The following GRID1 variants were observed in gnomAD, a reference collection of about 807,000 sequenced individuals.
GRID1 encodes the protein glutamate receptor ionotropic, delta-1.
GRID1 carries 28 observed loss-of-function variants against 98.0 expected under a neutral mutation model. The observed-to-expected ratio is 0.29, with a 90% CI of 0.21 to 0.39. The LOEUF (loss-of-function observed/expected upper bound fraction) is 0.39, where lower values mean the gene tolerates loss of function less well. Ranked by LOEUF, GRID1 falls within the 10% of genes least tolerant of loss-of-function variation. GRID1 has a pLI of 1.00. For missense variants in GRID1, 1,111 were observed against 1,340.5 expected (o/e 0.83, Z 2.67); for synonymous variants, 553 against 538.5 (o/e 1.03, Z -0.37).
intron 12 of GRID1, among the ~76,000 whole-genome samples, chr10:85,667,963 T>G (rs1479903037): frequency 1.3e-5 from 2 of 152,184 alleles, no homozygotes; most frequent in African/African-American, 4.8e-5. Context: ...CCCTAAGCCC[T>G]AGGCAAAGGC....
chr10:86,045,413 G>A (rs2131901781), intron 4 of GRID1, among the ~76,000 whole-genome samples: 1 of 152,324 alleles, frequency 6.6e-6, no homozygotes, highest in African/African-American at 2.4e-5. Flanking sequence ...GATCAACAGA[G>A]TAATATGGTA....
intron 2 of GRID1, among the ~76,000 whole-genome samples, chr10:86,339,766 T>TCCATGCAA (rs1848284327): frequency 6.6e-6 from 1 of 152,176 alleles, no homozygotes; most frequent in African/African-American, 2.4e-5. Flanking sequence ...TATTTAGTCC[T>TCCATGCAA]CCATGCAACC....
chr10:86,176,800 G>C (rs1176459872), intron 3 of GRID1, among the ~76,000 whole-genome samples: 4 of 152,204 alleles, frequency 2.6e-5, no homozygotes, highest in Non-Finnish European at 4.4e-5. Flanking sequence ...GGTAAGAAAT[G>C]ATGAGGGACT....
chr10:86,131,651 C>G (rs952324832), intron 4 of GRID1, among the ~76,000 whole-genome samples: 9 of 152,170 alleles, frequency 5.9e-5, no homozygotes, highest in Admixed American at 2.0e-4. Flanking sequence ...CAACAGCCAA[C>G]CAGAAAATAA....
At chr10:85,825,320 C>G (rs1265987802) in intron 8 of GRID1, among the ~76,000 whole-genome samples, 1 of 150,772 alleles carries the variant, frequency 6.6e-6, no homozygotes, top group African/African-American at 2.4e-5. Flanking sequence ...GTTTGTTGGC[C>G]ATTTGTGTAT....
At chr10:85,604,057 C>T (rs2132502448) in intron 15 of GRID1, among the ~76,000 whole-genome samples, 1 of 152,286 alleles carries the variant, frequency 6.6e-6, no homozygotes, top group South Asian at 2.1e-4. Context: ...GAATGATAGG[C>T]ATGAGCCCTG....
chr10:86,130,693 C>T (rs928779546), intron 4 of GRID1, among the ~76,000 whole-genome samples: 6 of 152,224 alleles, frequency 3.9e-5, no homozygotes, highest in Admixed American at 3.9e-4. Context: ...ATAAAATCCC[C>T]TGCATTTACC....
chr10:85,613,605 C>T lies in GRID1; in HGVS notation c.2403G>A (p.Lys801=), dbSNP rs1842757992. The T allele has an allele frequency of 1.2e-6, 2 of 1,614,190 alleles. No homozygotes were observed. Among genetic ancestry groups the T allele is most frequent in the Admixed American group, 3.3e-5 (2 of 60,028 alleles). The change falls in exon 15 of 16, where the codon AAG becomes AAA. Residue 801 remains lysine (K), a synonymous_variant. Coordinates refer to ENST00000327946, the MANE Select transcript of GRID1 (RefSeq NM_017551.3). ...GGCCCATGTGCGGCCACCACTTCTG[C>T]TTCAGCACATCCAGGTCCCCTGTGT... ...LQDTGDLDVL[K]QKWWPHMGRC...
intron 4 of GRID1, among the ~76,000 whole-genome samples, chr10:85,939,917 A>C (rs1397825907): frequency 6.6e-6 from 1 of 151,994 alleles, no homozygotes; most frequent in Non-Finnish European, 1.5e-5. Context: ...AATACAAAAA[A>C]TTAGCTGGGC....
At position 86,340,153 on chromosome 10, in the gene GRID1, C is replaced by T. The variant is rs116399505; in HGVS notation, c.235+23788G>A. Among the ~76,000 whole-genome samples, 826 of 152,088 alleles carry T rather than the reference C, an allele frequency of 5.4e-3. 6 individuals are homozygous for T. Among genetic ancestry groups the T allele is most frequent in the African/African-American group, 0.019 (771 of 41,454 alleles). Reference sequence around the variant, plus strand: ...GGGAGAAGGTCAAGCAGCCAAGCAGCGGAATGGAAAGCCCAGGAGTTGCTG... The same window carrying T: ...GGGAGAAGGTCAAGCAGCCAAGCAGTGGAATGGAAAGCCCAGGAGTTGCTG... On this transcript the variant is annotated intron_variant, in intron 2 of 15. Coordinates refer to ENST00000327946, the MANE Select transcript of GRID1 (RefSeq NM_017551.3).
chr10:86,022,463 T>C (rs1461566154), intron 4 of GRID1, among the ~76,000 whole-genome samples: 1 of 151,984 alleles, frequency 6.6e-6, no homozygotes, highest in African/African-American at 2.4e-5. Context: ...TGGTCAGCCA[T>C]GCTGCCTCCT....
intron 12 of GRID1, among the ~76,000 whole-genome samples, chr10:85,705,856 A>G (rs532191228): frequency 6.6e-6 from 1 of 152,338 alleles, no homozygotes; most frequent in South Asian, 2.1e-4. Context: ...ACCAAAGACA[A>G]AAACCACATG....
intron 2 of GRID1, among the ~76,000 whole-genome samples, chr10:86,209,528 A>C (rs1846078559): frequency 6.6e-6 from 1 of 152,242 alleles, no homozygotes; most frequent in African/African-American, 2.4e-5. Context: ...TTATATGCTA[A>C]CTATGATTAC....
At chr10:85,802,374 T>C (rs1842584613) in intron 8 of GRID1, among the ~76,000 whole-genome samples, 1 of 152,008 alleles carries the variant, frequency 6.6e-6, no homozygotes, top group African/African-American at 2.4e-5. Flanking sequence ...CAGTGATAGA[T>C]CAACTGACCA....
At chr10:86,230,908 C>T (rs1326504032) in intron 2 of GRID1, among the ~76,000 whole-genome samples, 4 of 152,190 alleles carry the variant, frequency 2.6e-5, no homozygotes, top group African/African-American at 7.2e-5. Context: ...GAGTAATACA[C>T]ACACATCTCT....
chr10:85,761,677 C>T (rs769077933), intron 8 of GRID1, among the ~76,000 whole-genome samples: 1 of 152,130 alleles, frequency 6.6e-6, no homozygotes, highest in African/African-American at 2.4e-5. Context: ...GGGATAGAGG[C>T]CAGGAGACAG....
intron 2 of GRID1, among the ~76,000 whole-genome samples, chr10:86,313,086 G>A (rs980872969): frequency 3.3e-5 from 5 of 152,210 alleles, no homozygotes; most frequent in African/African-American, 7.2e-5. Context: ...GGACAGAGCC[G>A]CCAGTCAGGG....
At chr10:85,616,427 A>G (rs1231068257) in intron 14 of GRID1, among the ~76,000 whole-genome samples, 1 of 152,032 alleles carries the variant, frequency 6.6e-6, no homozygotes, top group Non-Finnish European at 1.5e-5. Context: ...GGCCCAGGGG[A>G]TGGTGAGGCT....
At chr10:85,863,044 T>C (rs1162244362) in intron 6 of GRID1, among the ~76,000 whole-genome samples, 1 of 152,196 alleles carries the variant, frequency 6.6e-6, no homozygotes, top group Non-Finnish European at 1.5e-5. Context: ...CAACTCCCCA[T>C]CGCGTACAAC....
Sources: gnomAD v4.1 joint callset for allele counts (sites outside exome capture counted in the v4.1 genomes callset) on GRCh38, gnomAD v4.1.1 for gene constraint, MANE v1.5 for transcripts, NCBI Gene and HGNC (gene_info 2026-07-23, HGNC 2026-07-21) for gene names.